Variants in GRIK2 observed in about 807,000 individuals in gnomAD.
GRIK2 encodes the protein glutamate ionotropic receptor kainate type subunit 2, also known as glutamate receptor ionotropic, kainate 2.
In GRIK2, 32 loss-of-function variants were observed where a neutral mutation model predicts 100.3. That is an observed-to-expected ratio of 0.32 (90% CI 0.24 to 0.43). The LOEUF (loss-of-function observed/expected upper bound fraction) is 0.43. Ranked by LOEUF, GRIK2 falls within the 20% of genes least tolerant of loss-of-function variation. GRIK2 has a pLI of 1.00. For synonymous variants in GRIK2, 417 were observed against 389.4 expected (o/e 1.07, Z -0.83); for missense variants, 843 against 1,114.9 (o/e 0.76, Z 3.47).
At chr6:102,008,371 G>A (rs1310900709) in intron 14 of GRIK2, among the ~76,000 whole-genome samples, 1 of 152,094 alleles carries the variant, frequency 6.6e-6, no homozygotes, top group Non-Finnish European at 1.5e-5. Flanking sequence ...GGCATAAGCT[G>A]TTTGATGGAA....
intron 14 of GRIK2, among the ~76,000 whole-genome samples, chr6:101,955,885 T>G (rs1582610867): frequency 6.6e-6 from 1 of 152,108 alleles, no homozygotes; most frequent in Non-Finnish European, 1.5e-5. Flanking sequence ...TTCAAGTTGT[T>G]GCTTCATTAG....
At position 101,417,014 on chromosome 6, in the gene GRIK2, A is replaced by G. The variant is rs148071707; in HGVS notation, c.115+17622A>G. ...TCATGCTGCTAATAAAGACATACCT[A>G]AGACTGGGTAATTTATAAAGGAAAG... is the stretch of plus-strand genomic sequence containing the variant. On this transcript the variant is annotated intron_variant, in intron 2 of 16. Coordinates refer to ENST00000369134, the MANE Select transcript of GRIK2 (RefSeq NM_021956.5). 6.8e-4 allele frequency among the ~76,000 whole-genome samples: 104 copies of G among 152,318 alleles called. 1 individual carries two copies. Among genetic ancestry groups the G allele is most frequent in the Middle Eastern group, 3.4e-3 (1 of 294 alleles).
At chr6:101,784,439 C>T (rs1332079466) in intron 7 of GRIK2, among the ~76,000 whole-genome samples, 1 of 152,134 alleles carries the variant, frequency 6.6e-6, no homozygotes, top group African/African-American at 2.4e-5. Context: ...TCAGAGGAGA[C>T]TTTGGACTTG....
chr6:101,592,859 A>G (rs112085206), intron 2 of GRIK2, among the ~76,000 whole-genome samples: 110 of 151,878 alleles, frequency 7.2e-4, no homozygotes, highest in African/African-American at 2.6e-3. Flanking sequence ...AAATGAAAAT[A>G]TAAGTAACAG....
At chr6:101,498,581 C>T (rs1024525206) in intron 2 of GRIK2, among the ~76,000 whole-genome samples, 3 of 150,448 alleles carry the variant, frequency 2.0e-5, no homozygotes, top group Non-Finnish European at 3.0e-5. Flanking sequence ...GAGATGGTAT[C>T]TCATTGTGGT....
intron 2 of GRIK2, among the ~76,000 whole-genome samples, chr6:101,617,985 A>G (rs1042626848): frequency 1.3e-5 from 2 of 151,546 alleles, no homozygotes; most frequent in African/African-American, 4.8e-5. Context: ...TGTTTATGGC[A>G]CACATATACA....
At chr6:101,849,996 G>A (rs1174603400) in intron 10 of GRIK2, among the ~76,000 whole-genome samples, 1 of 151,608 alleles carries the variant, frequency 6.6e-6, no homozygotes, top group African/African-American at 2.4e-5. Context: ...CAAGACTGGG[G>A]TTACCTGAAT....
intron 11 of GRIK2, among the ~76,000 whole-genome samples, chr6:101,888,838 A>G (rs1250544018): frequency 6.6e-6 from 1 of 152,138 alleles, no homozygotes; most frequent in African/African-American, 2.4e-5. Flanking sequence ...GCTTCTCATC[A>G]CAGATGCTTT....
intron 15 of GRIK2, among the ~76,000 whole-genome samples, chr6:102,047,725 G>T (rs1770969306): frequency 6.6e-6 from 1 of 151,742 alleles, no homozygotes; most frequent in South Asian, 2.1e-4. Context: ...CCCCAGCCTG[G>T]GTGGCAGAGC....
At chr6:101,691,335 T>C (rs558548321) in intron 7 of GRIK2, among the ~76,000 whole-genome samples, 2 of 151,652 alleles carry the variant, frequency 1.3e-5, no homozygotes, top group East Asian at 3.9e-4. Context: ...AGTCTCGCTC[T>C]GCCACCCAGG....
intron 16 of GRIK2, among the ~76,000 whole-genome samples, chr6:102,061,670 TTAAA>T (rs1328716067): frequency 2.7e-5 from 4 of 150,628 alleles, no homozygotes; most frequent in East Asian, 1.9e-4. Context: ...ATTCTTCTTT[TTAAA>T]TAAATAAATA....
chr6:101,791,848 CT>C (rs1393291904), intron 7 of GRIK2, among the ~76,000 whole-genome samples: 3 of 151,400 alleles, frequency 2.0e-5, no homozygotes, highest in African/African-American at 7.3e-5. Context: ...GTCTAAGTCT[CT>C]TTTTAGGTCA....
At chr6:101,651,290 C>T (rs1240677633) in intron 4 of GRIK2, among the ~76,000 whole-genome samples, 1 of 152,036 alleles carries the variant, frequency 6.6e-6, no homozygotes, top group East Asian at 1.9e-4. Flanking sequence ...ATTTATTTTT[C>T]CAAATGGACT....
intron 14 of GRIK2, among the ~76,000 whole-genome samples, chr6:101,982,654 CTT>C (rs397940879): frequency 2.1e-5 from 3 of 143,002 alleles, no homozygotes; most frequent in Non-Finnish European, 3.1e-5. Context: ...CCCCCTTCTT[CTT>C]TTTTTTTTTT....
intron 7 of GRIK2, among the ~76,000 whole-genome samples, chr6:101,708,157 A>T (rs1176234012): frequency 6.6e-6 from 1 of 151,800 alleles, no homozygotes; most frequent in African/African-American, 2.4e-5. Flanking sequence ...TTTTCTTAGT[A>T]GATGGAATCT....
chr6:101,589,157 G>T (rs979860594), intron 2 of GRIK2, among the ~76,000 whole-genome samples: 2 of 152,078 alleles, frequency 1.3e-5, no homozygotes, highest in Non-Finnish European at 2.9e-5. Context: ...ATTAGCAACA[G>T]TTTTGTTTGT....
rs143843319 is a variant in GRIK2, at chr6:101,710,369, A to T, written c.951+24016A>T. On this transcript the variant is annotated intron_variant, in intron 7 of 16. Coordinates refer to ENST00000369134, the MANE Select transcript of GRIK2 (RefSeq NM_021956.5). Reference sequence around the variant, plus strand: ...TGAACTTCTGTGTTCTCATCAGTCAAATGGGCTTTGAAGTATACCTCAAAA... The same window carrying T: ...TGAACTTCTGTGTTCTCATCAGTCATATGGGCTTTGAAGTATACCTCAAAA... 2.5e-3 allele frequency among the ~76,000 whole-genome samples: 377 copies of T among 151,966 alleles called. 6 individuals are homozygous for T. Among genetic ancestry groups the T allele is most frequent in the African/African-American group, 8.9e-3 (370 of 41,498 alleles).
intron 2 of GRIK2, among the ~76,000 whole-genome samples, chr6:101,521,277 A>C (rs1191781394): frequency 6.7e-6 from 1 of 149,598 alleles, no homozygotes; most frequent in Admixed American, 6.7e-5. Flanking sequence ...GCTTTAATAG[A>C]CTTTGTATTG....
chr6:101,452,817 T>TA (rs1770785471), intron 2 of GRIK2, among the ~76,000 whole-genome samples: 1 of 151,594 alleles, frequency 6.6e-6, no homozygotes, highest in African/African-American at 2.4e-5. Flanking sequence ...GTTAAGGGAG[T>TA]AGTGAAGCAT....
Sources: allele counts gnomAD v4.1 joint callset (sites outside exome capture counted in the v4.1 genomes callset), GRCh38; gene constraint gnomAD v4.1.1; transcripts MANE v1.5; gene names NCBI Gene and HGNC (gene_info 2026-07-23, HGNC 2026-07-21).